The following CSMD1 variants were observed in gnomAD, a reference collection of about 807,000 sequenced individuals.
The protein encoded by CSMD1 is CUB and sushi domain-containing protein 1.
A neutral mutation model predicts 417.5 loss-of-function variants in CSMD1; 213 were observed. The ratio of observed to expected loss-of-function variants is 0.51; its 90% CI spans 0.46 to 0.57. The LOEUF is 0.57. Ranked by LOEUF, CSMD1 falls within the 20% of genes least tolerant of loss-of-function variation. The pLI is 0.00. For synonymous variants in CSMD1, 2,862 were observed against 1,736.8 expected, an observed-to-expected ratio of 1.65 and a Z score of -16.11; for missense variants, 6,923 against 4,529.7, an observed-to-expected ratio of 1.53 and a Z score of -15.17.
At chr8:3,646,737 C>T (rs930694875) in intron 7 of CSMD1, among the ~76,000 whole-genome samples, 13 of 152,136 alleles carry the variant, frequency 8.5e-5, no homozygotes, top group African/African-American at 3.1e-4. Flanking sequence ...GGTGCCTCCT[C>T]TGAGGCTGGA....
chr8:4,835,564 G>A (rs903462587), intron 1 of CSMD1, among the ~76,000 whole-genome samples: 3 of 152,188 alleles, frequency 2.0e-5, no homozygotes, highest in African/African-American at 7.2e-5. Context: ...TTAGCACACA[G>A]AGATTTTGGA....
chr8:3,336,957 G>A (rs1174093126), intron 23 of CSMD1, among the ~76,000 whole-genome samples: 2 of 152,100 alleles, frequency 1.3e-5, no homozygotes, highest in African/African-American at 4.8e-5. Flanking sequence ...TTAGTTCTAG[G>A]AGACTGACCT....
At chr8:3,451,905 G>T (rs999218079) in intron 12 of CSMD1, among the ~76,000 whole-genome samples, 2 of 152,136 alleles carry the variant, frequency 1.3e-5, no homozygotes, top group South Asian at 2.1e-4. Context: ...ATTACCTTGG[G>T]CAGTATGGCC....
At chr8:3,476,723 G>T (rs939012891) in intron 11 of CSMD1, among the ~76,000 whole-genome samples, 21 of 151,920 alleles carry the variant, frequency 1.4e-4, no homozygotes, top group African/African-American at 5.1e-4. Flanking sequence ...TTCGAGACCA[G>T]CCTGGCCAAC....
At chr8:3,878,875 T>C (rs562088253) in intron 5 of CSMD1, among the ~76,000 whole-genome samples, 1 of 152,200 alleles carries the variant, frequency 6.6e-6, no homozygotes, top group Non-Finnish European at 1.5e-5. Flanking sequence ...CTGACTGAGC[T>C]TAATTATTCA....
At position 4,722,583 on chromosome 8, in the gene CSMD1, T is replaced by G. The variant is rs561099269; in HGVS notation, c.86-85025A>C. On this transcript the variant is annotated intron_variant, in intron 1 of 69. Coordinates refer to ENST00000635120, the MANE Select transcript of CSMD1 (RefSeq NM_033225.6). ...CATCAGATAGTTAGGAATGTCTGTG[T>G]TCCTTCTTGGAGGAGCCCTGAACTA... is the stretch of plus-strand genomic sequence containing the variant. Among the ~76,000 whole-genome samples the G allele has an allele frequency of 2.6e-5, 4 of 152,244 alleles. No individual in the cohort carries two copies. In the South Asian group the frequency reaches 6.2e-4, roughly 24 times the overall value.
intron 1 of CSMD1, among the ~76,000 whole-genome samples, chr8:4,697,488 T>C (rs1807214087): frequency 6.6e-6 from 1 of 152,200 alleles, no homozygotes; most frequent in South Asian, 2.1e-4. Flanking sequence ...AGGTATAACA[T>C]ATTCCTTTGG....
At chr8:4,008,600 CTTTTTTTTTT>C (rs1161117794) in intron 4 of CSMD1, among the ~76,000 whole-genome samples, 66 of 80,450 alleles carry the variant, frequency 8.2e-4, no homozygotes, top group African/African-American at 3.0e-3. Flanking sequence ...TTCTTTTTTT[CTTTTTTTTTT>C]TTTTTTTTTT....
At chr8:3,041,836 G>T (rs1367809300) in intron 50 of CSMD1, among the ~76,000 whole-genome samples, 4 of 152,220 alleles carry the variant, frequency 2.6e-5, no homozygotes, top group African/African-American at 7.2e-5. Context: ...ACCCCATGTA[G>T]CCGACAGTCT....
chr8:4,391,534 A>C (rs1364273329), intron 3 of CSMD1, among the ~76,000 whole-genome samples: 1 of 152,084 alleles, frequency 6.6e-6, no homozygotes, highest in Non-Finnish European at 1.5e-5. Context: ...CAACCACTGC[A>C]TCAACCAGCT....
At chr8:3,180,224 G>A (rs1471852370) in intron 37 of CSMD1, among the ~76,000 whole-genome samples, 1 of 152,182 alleles carries the variant, frequency 6.6e-6, no homozygotes, top group Non-Finnish European at 1.5e-5. Context: ...AAAGATCTGT[G>A]AATCTGACCT....
intron 2 of CSMD1, among the ~76,000 whole-genome samples, chr8:4,428,158 G>C (rs1363813019): frequency 2.6e-5 from 4 of 152,166 alleles, no homozygotes; most frequent in Admixed American, 6.6e-5. Flanking sequence ...ACATCTATGT[G>C]AATCTGGCTT....
chr8:3,666,279 T>C (rs1798690464), intron 7 of CSMD1, among the ~76,000 whole-genome samples: 1 of 152,182 alleles, frequency 6.6e-6, no homozygotes, highest in African/African-American at 2.4e-5. Context: ...ATCTTTTCTT[T>C]AGTCTATAGA....
At chr8:3,697,011 C>G (rs1456496004) in intron 7 of CSMD1, among the ~76,000 whole-genome samples, 2 of 152,114 alleles carry the variant, frequency 1.3e-5, no homozygotes, top group African/African-American at 4.8e-5. Flanking sequence ...GTCATGGGTT[C>G]TGGTGAATGT....
chr8:4,245,040 A>T (rs1802622169), intron 3 of CSMD1, among the ~76,000 whole-genome samples: 1 of 152,194 alleles, frequency 6.6e-6, no homozygotes, highest in South Asian at 2.1e-4. Context: ...TAAAACCACC[A>T]TTCATTAGAA....
At chr8:4,305,516 C>T (rs1013033592) in intron 3 of CSMD1, among the ~76,000 whole-genome samples, 11 of 152,118 alleles carry the variant, frequency 7.2e-5, no homozygotes, top group African/African-American at 1.9e-4. Flanking sequence ...GAGGGCAGAG[C>T]GGTGTCACAG....
At position 4,718,150 on chromosome 8, in the gene CSMD1, T is replaced by C. The variant is rs969531810; in HGVS notation, c.86-80592A>G. On this transcript the variant is annotated intron_variant, in intron 1 of 69. Coordinates refer to ENST00000635120, the MANE Select transcript of CSMD1 (RefSeq NM_033225.6). ...CACCATGCCCAGCATATATTTTACA[T>C]TATTTTTGTACAGACAGGGTCTACC... Among the ~76,000 whole-genome samples the C allele has an allele frequency of 2.0e-5, 3 of 152,078 alleles. No homozygotes were observed. In the South Asian group the frequency reaches 6.2e-4, roughly 31 times the overall value.
chr8:4,595,485 C>A (rs528111995), intron 2 of CSMD1, among the ~76,000 whole-genome samples: 3 of 151,868 alleles, frequency 2.0e-5, no homozygotes, highest in Non-Finnish European at 2.9e-5. Context: ...CCTTTGGAGT[C>A]CTCTCAAATG....
At chr8:3,933,765 T>C (rs1381320321) in intron 5 of CSMD1, among the ~76,000 whole-genome samples, 1 of 152,214 alleles carries the variant, frequency 6.6e-6, no homozygotes, top group Non-Finnish European at 1.5e-5. Flanking sequence ...ATTTAGGTTT[T>C]ATATATTTTC....
Sources: gnomAD v4.1 joint callset for allele counts (sites outside exome capture counted in the v4.1 genomes callset) on GRCh38, gnomAD v4.1.1 for gene constraint, MANE v1.5 for transcripts, NCBI Gene and HGNC (gene_info 2026-07-23, HGNC 2026-07-21) for gene names.